The following HIVEP2 variants were observed in gnomAD, a reference collection of about 807,000 sequenced individuals.
HIVEP2 encodes the protein HIVEP zinc finger 2.
In HIVEP2, 14 loss-of-function variants were observed where a neutral mutation model predicts 180.7. The ratio of observed to expected loss-of-function variants is 0.08; its 90% CI spans 0.05 to 0.12. The LOEUF (loss-of-function observed/expected upper bound fraction) is 0.12, where lower values mean the gene tolerates loss of function less well. Ranked by LOEUF, HIVEP2 falls within the 10% of genes least tolerant of loss-of-function variation. The pLI is 1.00. For synonymous variants in HIVEP2, 1,184 were observed against 1,136.4 expected (o/e 1.04, Z -0.84); for missense variants, 2,579 against 3,008.5 (o/e 0.86, Z 3.34).
At chr6:142,860,202 A>G in intron 1 of HIVEP2, among the ~76,000 whole-genome samples, 1 of 152,214 alleles carries the variant, frequency 6.6e-6, no homozygotes, top group East Asian at 1.9e-4. Flanking sequence ...TATTGCTCCC[A>G]TTCATGTTAA....
intron 1 of HIVEP2, among the ~76,000 whole-genome samples, chr6:142,874,434 A>T (rs532127636): frequency 6.6e-6 from 1 of 152,262 alleles, no homozygotes; most frequent in African/African-American, 2.4e-5. Context: ...CAGACCAAGC[A>T]TGATTATTGT....
At chr6:142,839,196 T>C (rs953115263) in intron 1 of HIVEP2, among the ~76,000 whole-genome samples, 1 of 152,104 alleles carries the variant, frequency 6.6e-6, no homozygotes, top group Non-Finnish European at 1.5e-5. Context: ...TTTAGAAATG[T>C]TCACTTCCTT....
chr6:142,777,370 C>T (rs1775728350), intron 3 of HIVEP2, among the ~76,000 whole-genome samples: 1 of 152,116 alleles, frequency 6.6e-6, no homozygotes, highest in East Asian at 1.9e-4. Context: ...TACGAAGACA[C>T]ATTGTTAATC....
At chr6:142,801,009 G>A (rs1776392035) in intron 2 of HIVEP2, among the ~76,000 whole-genome samples, 2 of 152,018 alleles carry the variant, frequency 1.3e-5, no homozygotes, top group Non-Finnish European at 2.9e-5. Flanking sequence ...TACTGTAGGA[G>A]TCACCTCACT....
chr6:142,769,468 T>C lies in HIVEP2; in HGVS notation c.5187+84A>G, dbSNP rs879243009. 5.0e-6 allele frequency: 6 copies of C among 1,209,086 alleles called. No homozygotes were observed. In the South Asian group the frequency reaches 8.9e-5, roughly 18 times the overall value. The allele number at this position is 1,209,086 out of a possible 1,614,324, so 74.9% of individuals were successfully genotyped here. Reference sequence around the variant, plus strand: ...ACCTTCATTTTACTTGTATTTTTTTTTTAGGCCTTATATCCTTCACTATGT... The same window carrying C: ...ACCTTCATTTTACTTGTATTTTTTTCTTAGGCCTTATATCCTTCACTATGT... On this transcript the variant is annotated intron_variant, in intron 5 of 9. Coordinates refer to ENST00000367603, the MANE Select transcript of HIVEP2 (RefSeq NM_006734.4).
intron 1 of HIVEP2, among the ~76,000 whole-genome samples, chr6:142,882,789 C>T (rs1776604995): frequency 6.6e-6 from 1 of 152,030 alleles, no homozygotes; most frequent in African/African-American, 2.4e-5. Context: ...CGTAATGTAC[C>T]TTTAAGAAGG....
rs537836984 is a variant in HIVEP2 at position 142,756,811 on chromosome 6, A to C, written c.6517-2880T>G. Among the ~76,000 whole-genome samples, 79 of 151,118 alleles carry C rather than the reference A, an allele frequency of 5.2e-4. 1 individual carries two copies. Among genetic ancestry groups the C allele is most frequent in the African/African-American group, 1.7e-3 (70 of 40,578 alleles). ...TAAAAGATACCTTATCTATCTATCT[A>C]TCTATCTATCTATCTATCTATCTAT... is the stretch of plus-strand genomic sequence containing the variant. On this transcript the variant is annotated intron_variant, in intron 9 of 9. Transcript: ENST00000367603.
At chr6:142,811,183 A>ATGTGTG (rs35151863) in intron 2 of HIVEP2, among the ~76,000 whole-genome samples, 97 of 148,738 alleles carry the variant, frequency 6.5e-4, no homozygotes, top group African/African-American at 2.1e-3. Flanking sequence ...AGGCACGTGC[A>ATGTGTG]TGTGTGTGTG....
intron 2 of HIVEP2, among the ~76,000 whole-genome samples, chr6:142,831,424 G>A (rs183462125): frequency 1.5e-4 from 22 of 151,722 alleles, no homozygotes; most frequent in Non-Finnish European, 2.9e-4. Flanking sequence ...CACCTCACCC[G>A]CCATCCAACA....
At chr6:142,934,016 G>T (rs538097058) in intron 1 of HIVEP2, among the ~76,000 whole-genome samples, 1 of 152,272 alleles carries the variant, frequency 6.6e-6, no homozygotes, top group Non-Finnish European at 1.5e-5. Flanking sequence ...AAATCCATCA[G>T]GAGATATTAT....
At chr6:142,832,232 A>C (rs747856522) in intron 2 of HIVEP2, among the ~76,000 whole-genome samples, 1 of 148,064 alleles carries the variant, frequency 6.8e-6, no homozygotes, top group Non-Finnish European at 1.5e-5. Flanking sequence ...AAAAACAAAC[A>C]AAAAAAACCT....
intron 1 of HIVEP2, chr6:142,944,763 C>G (rs1366170323): frequency 6.5e-6 from 1 of 152,814 alleles, no homozygotes; most frequent in Non-Finnish European, 1.5e-5. Context: ...GATCCCCCGC[C>G]AGACGGACAG....
chr6:142,861,346 A>G (rs1775973111), intron 1 of HIVEP2, among the ~76,000 whole-genome samples: 1 of 152,244 alleles, frequency 6.6e-6, no homozygotes, highest in South Asian at 2.1e-4. Context: ...AAGTTTTGAC[A>G]TAGGTACTAA....
At chr6:142,893,694 CT>C (rs1337523624) in intron 1 of HIVEP2, among the ~76,000 whole-genome samples, 1 of 152,186 alleles carries the variant, frequency 6.6e-6, no homozygotes, top group Non-Finnish European at 1.5e-5. Flanking sequence ...ACCCTCTATT[CT>C]ATCCAGTTCT....
chr6:142,785,309 C>CAAAAAAAAAAA lies in HIVEP2; in HGVS notation c.-527-1705_-527-1695dup, dbSNP rs57458259. Among the ~76,000 whole-genome samples, 21 of 65,394 alleles carry CAAAAAAAAAAA rather than the reference C, an allele frequency of 3.2e-4. 1 individual carries two copies. Among genetic ancestry groups the CAAAAAAAAAAA allele is most frequent in the African/African-American group, 5.4e-4 (11 of 20,548 alleles). 42.9% of individuals were successfully genotyped at this position (65,394 alleles called of 152,430 possible). ...GGCTAAAGTAAAGCATGGCATTCCT[C>CAAAAAAAAAAA]AAAAAAAAAAAAAAAAAAAAAAAAA... On this transcript the variant is annotated intron_variant, in intron 2 of 9. Coordinates refer to ENST00000367603, the MANE Select transcript of HIVEP2 (RefSeq NM_006734.4).
At chr6:142,852,620 C>A (rs1293531203) in intron 1 of HIVEP2, among the ~76,000 whole-genome samples, 1 of 152,178 alleles carries the variant, frequency 6.6e-6, no homozygotes, top group Non-Finnish European at 1.5e-5. Context: ...TACTTTATTT[C>A]AACAACTCCC....
chr6:142,936,066 C>T (rs963913029), intron 1 of HIVEP2, among the ~76,000 whole-genome samples: 1 of 151,586 alleles, frequency 6.6e-6, no homozygotes, highest in African/African-American at 2.4e-5. Context: ...GAACCGTGAT[C>T]GCGCCACTGC....
At chr6:142,835,666 A>G (rs2114876424) in intron 2 of HIVEP2, among the ~76,000 whole-genome samples, 1 of 152,266 alleles carries the variant, frequency 6.6e-6, no homozygotes, top group East Asian at 1.9e-4. Flanking sequence ...GCCCATAACA[A>G]TGAAAATTAT....
Position 142,753,075 on chromosome 6 carries a change from A to C in HIVEP2, c.*32T>G. On this transcript the variant is annotated 3_prime_UTR_variant, in exon 10 of 10. Coordinates refer to ENST00000367603, the MANE Select transcript of HIVEP2 (RefSeq NM_006734.4). ...AAAACAAAAACAAAAAAATGGGAAAATGTGGAAATGAAAGTCTCCATGCAT... is the reference window on the plus strand; with the variant it reads ...AAAACAAAAACAAAAAAATGGGAAACTGTGGAAATGAAAGTCTCCATGCAT... The C allele has an allele frequency of 7.5e-7, 1 of 1,330,240 alleles. No homozygotes were observed. The highest frequency in any genetic ancestry group is 1.1e-6 in the Non-Finnish European group (1 of 924,618). 82.4% of individuals were successfully genotyped at this position (1,330,240 alleles called of 1,614,324 possible).
Sources: gnomAD v4.1 joint callset for allele counts (sites outside exome capture counted in the v4.1 genomes callset) on GRCh38, gnomAD v4.1.1 for gene constraint, MANE v1.5 for transcripts, NCBI Gene and HGNC (gene_info 2026-07-23, HGNC 2026-07-21) for gene names.